PDE1C: variants seen among roughly 807,000 people sequenced by gnomAD.
The protein encoded by PDE1C is dual specificity calcium/calmodulin-dependent 3',5'-cyclic nucleotide phosphodiesterase 1C.
In PDE1C, 62 loss-of-function variants were observed where a neutral mutation model predicts 93.1. The observed-to-expected ratio is 0.67, with a 90% CI of 0.54 to 0.82. The LOEUF (loss-of-function observed/expected upper bound fraction) is 0.82, where lower values mean the gene tolerates loss of function less well. PDE1C is among the 40% of genes least tolerant of loss of function. The pLI is 0.00. For missense variants in PDE1C, 742 were observed against 884.6 expected (o/e 0.84, Z 2.04); for synonymous variants, 325 against 310.1 (o/e 1.05, Z -0.50).
At chr7:32,092,471 G>T (rs1018885548) in intron 3 of PDE1C, among the ~76,000 whole-genome samples, 1 of 152,108 alleles carries the variant, frequency 6.6e-6, no homozygotes, top group Non-Finnish European at 1.5e-5. Context: ...AGATTGAGAG[G>T]CCAGGGCTCC....
Position 31,797,131 on chromosome 7 carries a change from C to A in PDE1C, c.1891+11900G>T, listed in dbSNP as rs1172553291. Among the ~76,000 whole-genome samples the A allele has an allele frequency of 2.6e-5, 4 of 151,632 alleles. No individual in the cohort carries two copies. The East Asian group carries it at 7.8e-4, about 30-fold the overall frequency. ...ACATAAATATGTTAAGGAAATGGGT[C>A]ACAGGAGTTTTCATGGACAAATGGC... On this transcript the variant is annotated intron_variant, in intron 16 of 17. Transcript: ENST00000396191.
At chr7:31,883,983 T>A (rs73690314) in intron 2 of PDE1C, among the ~76,000 whole-genome samples, 1,850 of 152,154 alleles carry the variant, frequency 0.012, 37 homozygotes, top group African/African-American at 0.042. Flanking sequence ...AGCCAAGTGG[T>A]TTCAACAGAT....
intron 2 of PDE1C, among the ~76,000 whole-genome samples, chr7:32,009,651 C>T (rs1325168650): frequency 6.6e-6 from 1 of 152,142 alleles, no homozygotes; most frequent in Non-Finnish European, 1.5e-5. Context: ...CCTCTTACTG[C>T]TAATATTCAA....
the PDE1C span, chr7:31,642,745 A>G: frequency 6.2e-7 from 1 of 1,614,044 alleles, no homozygotes; most frequent in Non-Finnish European, 8.5e-7. Context: ...AAGAGATCAG[A>G]GCCACAGCTT....
At chr7:31,716,275 T>A in the PDE1C span, among the ~76,000 whole-genome samples, 1 of 152,170 alleles carries the variant, frequency 6.6e-6, no homozygotes, top group African/African-American at 2.4e-5. Context: ...TTTCATTCAG[T>A]TGCCCAAGTT....
intron 3 of PDE1C, among the ~76,000 whole-genome samples, chr7:32,112,846 GTATATATATATATATA>G (rs1203879712): frequency 3.7e-4 from 22 of 59,162 alleles, no homozygotes; most frequent in African/African-American, 1.4e-3. Flanking sequence ...GTGTGTGTGT[GTATATATATATATATA>G]TATATATATA....
chr7:32,089,146 C>G (rs1409231921), intron 3 of PDE1C, among the ~76,000 whole-genome samples: 1 of 152,072 alleles, frequency 6.6e-6, no homozygotes, highest in Non-Finnish European at 1.5e-5. Context: ...CTCTTCTTTC[C>G]CTAAACATAA....
At chr7:31,709,586 C>T in the PDE1C span, among the ~76,000 whole-genome samples, 1 of 152,044 alleles carries the variant, frequency 6.6e-6, no homozygotes, top group Non-Finnish European at 1.5e-5. Flanking sequence ...AGTTATATGG[C>T]CTTAACTGAA....
At chr7:31,878,094 CCA>C (rs1796813895) in intron 4 of PDE1C, 58 bp from the exon 5 acceptor site, 1 of 1,186,616 alleles carries the variant, frequency 8.4e-7, no homozygotes, top group Non-Finnish European at 1.3e-6. Context: ...GATTTGTAAT[CCA>C]CAGACTCATA....
intron 16 of PDE1C, among the ~76,000 whole-genome samples, chr7:31,797,337 G>T (rs1380701035): frequency 6.6e-6 from 1 of 151,676 alleles, no homozygotes; most frequent in Non-Finnish European, 1.5e-5. Flanking sequence ...CTACATAGAA[G>T]GCTGCAGTGG....
chr7:32,316,290 T>A (rs1783169644), intron 1 of PDE1C, among the ~76,000 whole-genome samples: 1 of 152,202 alleles, frequency 6.6e-6, no homozygotes, highest in Non-Finnish European at 1.5e-5. Context: ...GCACTGTAAC[T>A]ATTCTCCATA....
chr7:32,023,902 G>A (rs991733606), intron 2 of PDE1C, among the ~76,000 whole-genome samples: 3 of 151,960 alleles, frequency 2.0e-5, no homozygotes, highest in African/African-American at 7.2e-5. Context: ...TGCACAACTG[G>A]GGAAATCTGA....
chr7:31,787,004 G>C (rs754598463), intron 16 of PDE1C: 1 of 151,574 alleles, frequency 6.6e-6, no homozygotes, highest in Non-Finnish European at 1.5e-5. Context: ...AAGGAAAAGT[G>C]ACCCATGAGA....
At chr7:31,791,550 C>T (rs181188268) in intron 16 of PDE1C, among the ~76,000 whole-genome samples, 141 of 152,222 alleles carry the variant, frequency 9.3e-4, no homozygotes, top group African/African-American at 3.2e-3. Flanking sequence ...TGGGATCATA[C>T]GTCATGAGGC....
At chr7:32,284,695 C>T (rs1294084504) in intron 1 of PDE1C, among the ~76,000 whole-genome samples, 1 of 152,158 alleles carries the variant, frequency 6.6e-6, no homozygotes, top group Admixed American at 6.6e-5. Flanking sequence ...TCTGTGATTC[C>T]TAAACAAGGC....
intron 6 of PDE1C, among the ~76,000 whole-genome samples, chr7:31,868,587 C>G (rs961905237): frequency 1.3e-5 from 2 of 151,874 alleles, no homozygotes; most frequent in African/African-American, 2.4e-5. Context: ...TTCAGGGTCC[C>G]CAAAAGCAAA....
chr7:31,695,928 AAC>A, the PDE1C span: 203 of 195,338 alleles, frequency 1.0e-3, no homozygotes, highest in African/African-American at 4.6e-3. Flanking sequence ...TGACATCATA[AAC>A]ACATGGTGAG....
At chr7:31,744,611 A>T in the PDE1C span, among the ~76,000 whole-genome samples, 38 of 152,250 alleles carry the variant, frequency 2.5e-4, no homozygotes, top group African/African-American at 7.9e-4. Flanking sequence ...CATGGCTTCA[A>T]TCTCATTTCT....
At chr7:31,797,947 G>T (rs1365164011) in intron 16 of PDE1C, among the ~76,000 whole-genome samples, 1 of 151,632 alleles carries the variant, frequency 6.6e-6, no homozygotes, top group African/African-American at 2.4e-5. Context: ...GCACTGTCAG[G>T]ATATAGCACA....
Sources: allele counts gnomAD v4.1 joint callset (sites outside exome capture counted in the v4.1 genomes callset), GRCh38; gene constraint gnomAD v4.1.1; transcripts MANE v1.5; gene names NCBI Gene and HGNC (gene_info 2026-07-23, HGNC 2026-07-21).